The following PBRM1 variants were observed in gnomAD, a reference collection of about 807,000 sequenced individuals.
PBRM1 encodes the protein protein polybromo-1.
PBRM1 carries 27 observed loss-of-function variants against 194.5 expected under a neutral mutation model. That is an observed-to-expected ratio of 0.14 (90% CI 0.10 to 0.19). The LOEUF is 0.19. Among genes scored for constraint, PBRM1 ranks in the 10% least tolerant of loss-of-function variants. PBRM1 has a pLI of 1.00. For missense variants in PBRM1, 1,466 were observed against 2,077.2 expected, an observed-to-expected ratio of 0.71 and a Z score of 5.72; for synonymous variants, 655 against 693.2, an observed-to-expected ratio of 0.94 and a Z score of 0.87.
At chr3:52,584,204 A>C (rs183237285) in intron 20 of PBRM1, among the ~76,000 whole-genome samples, 1 of 152,044 alleles carries the variant, frequency 6.6e-6, no homozygotes, top group Non-Finnish European at 1.5e-5. Context: ...TAGAGGTTCT[A>C]TATATTCCTT....
chr3:52,587,491 G>A, exon 19 of PBRM1: 1 of 1,607,610 alleles, frequency 6.2e-7, no homozygotes, highest in East Asian at 2.2e-5. Flanking sequence ...AAAACCAACA[G>A]CCATACAACC....
intron 11 of PBRM1, among the ~76,000 whole-genome samples, chr3:52,631,308 TAAA>T (rs200044287): frequency 7.2e-6 from 1 of 139,512 alleles, no homozygotes; most frequent in African/African-American, 2.6e-5. Flanking sequence ...CTTTCTCTAT[TAAA>T]AAAAAAAAAA....
chr3:52,548,493 C>A (rs2080036799), intron 29 of PBRM1, among the ~76,000 whole-genome samples: 1 of 151,364 alleles, frequency 6.6e-6, no homozygotes, highest in South Asian at 2.1e-4. Context: ...GTGGCGCGAT[C>A]TCAGCTCACT....
At chr3:52,644,288 TGTAA>T (rs1245054373) in intron 8 of PBRM1, among the ~76,000 whole-genome samples, 1 of 152,164 alleles carries the variant, frequency 6.6e-6, no homozygotes, top group African/African-American at 2.4e-5. Context: ...TAATATCAAC[TGTAA>T]GTATCACCTT....
intron 16 of PBRM1, among the ~76,000 whole-genome samples, chr3:52,608,425 G>C (rs763749314): frequency 6.3e-4 from 96 of 152,304 alleles, no homozygotes; most frequent in Non-Finnish European, 1.2e-3. Flanking sequence ...GCTTTACGAA[G>C]AGCTGGTGCT....
intron 17 of PBRM1, among the ~76,000 whole-genome samples, chr3:52,597,592 G>A (rs190514514): frequency 5.1e-4 from 77 of 152,148 alleles, no homozygotes; most frequent in Admixed American, 4.3e-3. Context: ...TTTACAGACA[G>A]GGTTCACTCA....
chr3:52,650,862 C>T (rs1298664991), intron 6 of PBRM1, among the ~76,000 whole-genome samples: 1 of 152,146 alleles, frequency 6.6e-6, no homozygotes, highest in Non-Finnish European at 1.5e-5. Flanking sequence ...TACAATTTAG[C>T]TCTTTTTCCC....
At chr3:52,664,141 A>C (rs1262475349) in intron 3 of PBRM1, among the ~76,000 whole-genome samples, 3 of 151,512 alleles carry the variant, frequency 2.0e-5, no homozygotes, top group Non-Finnish European at 4.4e-5. Flanking sequence ...AGGATAACTT[A>C]AGCCCAGGAG....
chr3:52,554,820 C>T (rs1417216069), exon 27 of PBRM1: 2 of 1,599,918 alleles, frequency 1.3e-6, no homozygotes, highest in East Asian at 4.6e-5. Context: ...CCCATGCTAA[C>T]AAGGCCATCA....
intron 9 of PBRM1, 146 bp from the exon 11 acceptor site, chr3:52,642,191 A>G (rs1354386588): frequency 3.3e-6 from 2 of 606,592 alleles, no homozygotes; most frequent in African/African-American, 3.7e-5. Context: ...CTCTGTACTT[A>G]ATGGTTCTCA....
chr3:52,613,811 G>A (rs908049659), intron 15 of PBRM1, among the ~76,000 whole-genome samples: 2 of 152,014 alleles, frequency 1.3e-5, no homozygotes, highest in African/African-American at 2.4e-5. Flanking sequence ...CCAATACAGG[G>A]AGACCCTGCC....
intron 11 of PBRM1, among the ~76,000 whole-genome samples, chr3:52,630,663 A>G (rs1013752405): frequency 9.9e-5 from 15 of 152,224 alleles, no homozygotes; most frequent in African/African-American, 3.6e-4. Flanking sequence ...AGGCAGCAAC[A>G]TTAGACATAA....
At chr3:52,610,858 G>C (rs918709153) in intron 15 of PBRM1, among the ~76,000 whole-genome samples, 1 of 152,158 alleles carries the variant, frequency 6.6e-6, no homozygotes, top group South Asian at 2.1e-4. Context: ...ATAATTGCTT[G>C]AACCCAGGAG....
exon 29 of PBRM1, chr3:52,550,624 C>T: frequency 6.6e-7 from 1 of 1,521,498 alleles, no homozygotes; most frequent in Non-Finnish European, 8.8e-7. Flanking sequence ...CCCTGGAGGC[C>T]CCAAAACTCC....
intron 10 of PBRM1, among the ~76,000 whole-genome samples, chr3:52,640,133 G>C (rs187488609): frequency 6.6e-6 from 1 of 152,028 alleles, no homozygotes; most frequent in Non-Finnish European, 1.5e-5. Context: ...CTTTTTATCT[G>C]TGTAATGATC....
chr3:52,633,534 G>A (rs775386515), intron 11 of PBRM1, among the ~76,000 whole-genome samples: 3 of 152,038 alleles, frequency 2.0e-5, no homozygotes, highest in Admixed American at 6.5e-5. Context: ...TATGCAAAAT[G>A]GAATTTCTTA....
chr3:52,600,156 G>T lies in PBRM1; in HGVS notation c.2779+3365C>A, dbSNP rs185367689. On this transcript the variant is annotated intron_variant, in intron 17 of 29. Coordinates refer to ENST00000296302, the Ensembl canonical transcript of PBRM1. ...TTTCTATGTGTTGGGAACATTTTAA[G>T]TTCTCTCTTTTTATCTATTTGGGGA... 3.1e-3 allele frequency among the ~76,000 whole-genome samples: 472 copies of T among 152,244 alleles called. 3 individuals carry two copies. Among genetic ancestry groups the T allele is most frequent in the African/African-American group, 0.011 (444 of 41,558 alleles).
intron 25 of PBRM1, among the ~76,000 whole-genome samples, chr3:52,561,095 C>T (rs555485024): frequency 1.3e-5 from 2 of 151,872 alleles, no homozygotes; most frequent in South Asian, 2.1e-4. Context: ...TTAAAAAAAA[C>T]CCACAAAAAC....
exon 25 of PBRM1, chr3:52,561,807 T>C (rs1278623154): frequency 6.2e-7 from 1 of 1,614,056 alleles, no homozygotes; most frequent in Non-Finnish European, 8.5e-7. Context: ...GATTTCTCCA[T>C]TCTGTCCCCA....
Sources: allele counts gnomAD v4.1 joint callset (sites outside exome capture counted in the v4.1 genomes callset), GRCh38; gene constraint gnomAD v4.1.1; transcripts MANE v1.5; gene names NCBI Gene and HGNC (gene_info 2026-07-23, HGNC 2026-07-21).